The following PIWIL1 variants were observed in gnomAD, a reference collection of about 807,000 sequenced individuals.
PIWIL1 encodes the protein piwi like RNA-mediated gene silencing 1.
A neutral mutation model predicts 114.4 loss-of-function variants in PIWIL1; 73 were observed. That is an observed-to-expected ratio of 0.64 (90% CI 0.53 to 0.78). The LOEUF (loss-of-function observed/expected upper bound fraction) is 0.78. Ranked by LOEUF, PIWIL1 falls within the 30% of genes least tolerant of loss-of-function variation. PIWIL1 has a pLI of 0.00. For synonymous variants in PIWIL1, 375 were observed against 369.0 expected (o/e 1.02, Z -0.19); for missense variants, 723 against 1,063.1 (o/e 0.68, Z 4.45).
intron 14 of PIWIL1, among the ~76,000 whole-genome samples, chr12:130,359,556 G>A (rs1014514242): frequency 1.3e-5 from 2 of 152,142 alleles, no homozygotes; most frequent in Non-Finnish European, 2.9e-5. Context: ...TGTCCAGTTT[G>A]AATATTCCAT....
chr12:130,346,880 GA>G, intron 5 of PIWIL1, 60 bp from the exon 6 acceptor site: 1 of 1,572,428 alleles, frequency 6.4e-7, no homozygotes, highest in South Asian at 1.2e-5. Context: ...AGCAGTATGT[GA>G]TTGGGCATAA....
In PIWIL1 at chr12:130,347,062, GGTAT is replaced by G; in HGVS notation, c.653+3_653+6del. ...CAGTTCTATAATATTATTTTCAGGA[GGTAT>G]GTGTTTTATTTCAACATTTTATTAA... On this transcript the variant is annotated splice_donor_variant and splice_donor_region_variant and intron_variant, in intron 6 of 20. Coordinates refer to ENST00000245255, the MANE Select transcript of PIWIL1 (RefSeq NM_004764.5). LOFTEE classifies it high-confidence loss of function. 6.3e-7 allele frequency: 1 copy of G among 1,599,018 alleles called. No individual in the cohort carries two copies. Among genetic ancestry groups the G allele is most frequent in the Non-Finnish European group, 8.5e-7 (1 of 1,172,158 alleles).
the PIWIL1 span, chr12:130,397,655 G>C: frequency 5.1e-6 from 2 of 395,512 alleles, no homozygotes; most frequent in Middle Eastern, 1.3e-3. Context: ...GGTCAGGGGG[G>C]TTCATTTGTT....
At chr12:130,374,439 T>C (rs2073851570), downstream of PIWIL1, among the ~76,000 whole-genome samples, 2 of 152,218 alleles carry the variant, frequency 1.3e-5, no homozygotes, top group South Asian at 4.1e-4. Context: ...ACCCAATGAT[T>C]TTAAAAATCC....
the PIWIL1 span, among the ~76,000 whole-genome samples, chr12:130,401,363 G>A: frequency 3.9e-5 from 6 of 152,058 alleles, no homozygotes; most frequent in Non-Finnish European, 8.8e-5. Context: ...TGATCCACCC[G>A]CCTCAGCCTT....
At chr12:130,400,914 G>A in the PIWIL1 span, among the ~76,000 whole-genome samples, 2 of 151,998 alleles carry the variant, frequency 1.3e-5, no homozygotes, top group Non-Finnish European at 2.9e-5. Flanking sequence ...AAAACAAAAT[G>A]GAAAAAACAG....
At chr12:130,345,591 G>T (rs915611425) in intron 3 of PIWIL1, 162 bp from the exon 4 acceptor site, 15 of 675,266 alleles carry the variant, frequency 2.2e-5, no homozygotes, top group Non-Finnish European at 3.4e-5. Flanking sequence ...CCATTCTCTC[G>T]TTAGGCTGGC....
chr12:130,388,166 T>A, the PIWIL1 span, among the ~76,000 whole-genome samples: 2 of 152,164 alleles, frequency 1.3e-5, no homozygotes, highest in African/African-American at 4.8e-5. Context: ...CAGGCTGAAC[T>A]GCAATGGCAC....
chr12:130,424,062 A>G, the PIWIL1 span: 42 of 765,870 alleles, frequency 5.5e-5, no homozygotes, highest in Middle Eastern at 2.6e-3. This position sits in a 1 kb window ranked among gnomAD's most constrained non-coding sequence, Gnocchi z 9.8. Flanking sequence ...GATGGACACC[A>G]GAACAAACAG....
chr12:130,359,092 C>A (rs2073443178), intron 14 of PIWIL1, among the ~76,000 whole-genome samples: 1 of 152,196 alleles, frequency 6.6e-6, no homozygotes. Flanking sequence ...CCCTGAAATT[C>A]TATCAACATT....
downstream of PIWIL1, among the ~76,000 whole-genome samples, chr12:130,375,122 G>A (rs965323579): frequency 4.6e-5 from 7 of 152,120 alleles, no homozygotes; most frequent in African/African-American, 7.2e-5. Context: ...TATGCTCCCC[G>A]AGCTCCGATT....
the PIWIL1 span, chr12:130,424,149 C>A: frequency 3.3e-6 from 4 of 1,230,348 alleles, no homozygotes; most frequent in Non-Finnish European, 4.1e-6. The surrounding 1 kb of genome is among the most constrained non-coding windows in gnomAD (Gnocchi z 9.8). Flanking sequence ...CACCAGGGGG[C>A]CTTGTGCGAC....
chr12:130,382,677 A>T, the PIWIL1 span, among the ~76,000 whole-genome samples: 1 of 152,106 alleles, frequency 6.6e-6, no homozygotes, highest in Non-Finnish European at 1.5e-5. Context: ...TGTCTTCATA[A>T]TTTCTGTAGT....
In PIWIL1 at chr12:130,361,606, G is replaced by A; in HGVS notation, c.1970+5G>A. 1 of 1,610,474 alleles carries A rather than the reference G, an allele frequency of 6.2e-7. No homozygotes were observed. The highest frequency in any genetic ancestry group is 8.5e-7 in the Non-Finnish European group (1 of 1,176,662). ...CATCAATGAAGGGATGACCCGGTGA[G>A]TGAGACTGGGCTACTGTGGGTGGCA... On this transcript the variant is annotated splice_donor_5th_base_variant and intron_variant, in intron 16 of 20. Transcript: ENST00000245255.
chr12:130,416,117 G>A, the PIWIL1 span, among the ~76,000 whole-genome samples: 1 of 152,130 alleles, frequency 6.6e-6, no homozygotes, highest in African/African-American at 2.4e-5. Context: ...CCATGCTCAT[G>A]GGTTAGAATA....
intron 4 of PIWIL1, 126 bp from the exon 5 acceptor site, chr12:130,346,244 C>G: frequency 1.5e-6 from 1 of 683,958 alleles, no homozygotes; most frequent in Non-Finnish European, 2.5e-6. Context: ...TGTCTGAGGA[C>G]TTTCATGTTG....
chr12:130,412,697 G>A, the PIWIL1 span: 1 of 1,613,784 alleles, frequency 6.2e-7, no homozygotes, highest in Non-Finnish European at 8.5e-7. Flanking sequence ...TCATCTGCTT[G>A]TATCTCAGAG....
At chr12:130,367,747 A>G (rs1436509503) in intron 19 of PIWIL1, among the ~76,000 whole-genome samples, 2 of 152,218 alleles carry the variant, frequency 1.3e-5, no homozygotes, top group African/African-American at 4.8e-5. Flanking sequence ...GGGCACCGGC[A>G]GGCACAGGGA....
At chr12:130,383,916 T>C in the PIWIL1 span, 1 of 152,242 alleles carries the variant, frequency 6.6e-6, no homozygotes, top group Non-Finnish European at 1.5e-5. Flanking sequence ...ATGTATATTT[T>C]TGTGTTTACA....
Sources: allele counts gnomAD v4.1 joint callset (sites outside exome capture counted in the v4.1 genomes callset), GRCh38; gene constraint gnomAD v4.1.1; non-coding constraint Gnocchi (gnomAD v3.1); transcripts MANE v1.5; gene names NCBI Gene and HGNC (gene_info 2026-07-23, HGNC 2026-07-21).